Variants in OR1M1 observed in about 807,000 individuals in gnomAD.
OR1M1 encodes olfactory receptor family 1 subfamily M member 1.
For synonymous variants in OR1M1, 157 were observed against 165.5 expected (o/e 0.95, Z 0.39); for missense variants, 397 against 401.8 (o/e 0.99, Z 0.10).
rs765469301 is a variant in OR1M1, at chr19:9,093,344, A to G, written c.100A>G (p.Met34Val). The G allele has an allele frequency of 3.1e-6, 5 of 1,613,722 alleles. No homozygotes were observed. In the East Asian group the frequency reaches 6.7e-5, roughly 22 times the overall value. The change falls in exon 2 of 2, where the codon ATG (methionine) becomes GTG (valine). Residue 34 changes from methionine to valine, a missense_variant. Coordinates refer to ENST00000641627, the MANE Select transcript of OR1M1 (RefSeq NM_001004456.2). ...GCTTCTCTTTTCCCTGTTCTTCTGC[A>G]TGTACCTGGTCATGGTCGTGGGGAA... ...ETLLFSLFFC[M>V]YLVMVVGNLL... is the part of the protein sequence containing the mutation.
chr19:9,088,776 T>C (rs2050277669), intron 1 of OR1M1, among the ~76,000 whole-genome samples: 1 of 151,850 alleles, frequency 6.6e-6, no homozygotes, highest in African/African-American at 2.4e-5. Context: ...TAATCCCAGC[T>C]ACTCGGGAGG....
Position 9,094,069 on chromosome 19 carries a change from G to T in OR1M1, c.825G>T (p.Ala275=). Residue 275 remains alanine (A), a synonymous_variant, in exon 2 of 2, where the codon GCG becomes GCT. Coordinates refer to ENST00000641627, the MANE Select transcript of OR1M1 (RefSeq NM_001004456.2). Reference sequence around the variant, plus strand: ...CCACTGTGAAGGAGAAAGCTTCTGCGGTGATGTACACAGCAGTCACCCCCA... The same window carrying T: ...CCACTGTGAAGGAGAAAGCTTCTGCTGTGATGTACACAGCAGTCACCCCCA... ...VLTTVKEKAS[A]VMYTAVTPML... The T allele has an allele frequency of 6.2e-7, 1 of 1,613,344 alleles. No homozygotes were observed.
intron 1 of OR1M1, among the ~76,000 whole-genome samples, chr19:9,092,410 A>G (rs1029160583): frequency 4.6e-5 from 7 of 152,122 alleles, no homozygotes; most frequent in East Asian, 1.9e-4. Context: ...CCTGGACAAC[A>G]TAGCAAGATC....
At chr19:9,093,035 CTCTATA>C (rs1180001652) in intron 1 of OR1M1, 191 bp from the exon 2 acceptor site, 41 of 295,034 alleles carry the variant, frequency 1.4e-4, no homozygotes, top group South Asian at 7.5e-4. Flanking sequence ...CTCTCTCTCT[CTCTATA>C]TATATATATA....
intron 1 of OR1M1, among the ~76,000 whole-genome samples, chr19:9,092,514 G>A (rs1189245421): frequency 1.3e-5 from 2 of 152,038 alleles, no homozygotes; most frequent in African/African-American, 4.8e-5. Flanking sequence ...GTGGCAGGAG[G>A]CTGGCTTGAG....
Position 9,093,945 on chromosome 19 carries a change from G to A in OR1M1, c.701G>A (p.Arg234Lys), listed in dbSNP as rs758830302. The A allele has an allele frequency of 6.2e-7, 1 of 1,614,142 alleles. No individual in the cohort carries two copies. The highest frequency in any genetic ancestry group is 8.5e-7 in the Non-Finnish European group (1 of 1,180,026). ...ATGAAGGTCCCCTCTGCAGGCGGCA[G>A]GAAGAAAGCCTTCTCCACCTGCAGC... The part of the protein sequence containing the change: ...AIMKVPSAGG[R>K]KKAFSTCSSH... Residue 234 changes from arginine to lysine, a missense_variant, in exon 2 of 2, where the codon AGG becomes AAG. By Grantham distance (26) the Arg-to-Lys change is conservative (BLOSUM62 2). Transcript: ENST00000641627.
chr19:9,089,785 C>G (rs2050283408), intron 1 of OR1M1, among the ~76,000 whole-genome samples: 2 of 152,092 alleles, frequency 1.3e-5, no homozygotes, highest in African/African-American at 4.8e-5. Context: ...AGTGCTCTTA[C>G]AATCCTCAGG....
At position 9,094,261 on chromosome 19, in the gene OR1M1, T is replaced by C. The variant is rs1355820299; in HGVS notation, c.*75T>C. 5 of 804,442 alleles carry C rather than the reference T, an allele frequency of 6.2e-6. No individual in the cohort carries two copies. The highest frequency in any genetic ancestry group is 9.7e-6 in the Non-Finnish European group (5 of 512,830). 49.8% of individuals were successfully genotyped at this position (804,442 alleles called of 1,614,324 possible). On this transcript the variant is annotated 3_prime_UTR_variant, in exon 2 of 2. Transcript: ENST00000641627. ...TCTTGGGCTAACATCTGGAATTGCA[T>C]GAGTTGAAGAGTAGGCACTTTGAAT...
intron 1 of OR1M1, among the ~76,000 whole-genome samples, chr19:9,087,405 G>T (rs2145901795): frequency 6.6e-6 from 1 of 152,144 alleles, no homozygotes; most frequent in Non-Finnish European, 1.5e-5. Flanking sequence ...AGCCTCTAGA[G>T]TAGCTGGAAC....
intron 1 of OR1M1, among the ~76,000 whole-genome samples, chr19:9,089,252 A>AT (rs542965107): frequency 2.0e-5 from 3 of 151,338 alleles, no homozygotes; most frequent in Non-Finnish European, 2.9e-5. Flanking sequence ...CTATGAAATC[A>AT]TTTTTTTTCT....
At chr19:9,088,553 T>A (rs997387703) in intron 1 of OR1M1, among the ~76,000 whole-genome samples, 1 of 152,112 alleles carries the variant, frequency 6.6e-6, no homozygotes, top group Admixed American at 6.6e-5. Context: ...ATTAGTAGTT[T>A]AATCACAGAG....
chr19:9,088,233 G>A (rs915401283), intron 1 of OR1M1, among the ~76,000 whole-genome samples: 4 of 152,156 alleles, frequency 2.6e-5, no homozygotes, highest in Non-Finnish European at 5.9e-5. Flanking sequence ...TGAAGGAACA[G>A]ATGGCTTCCT....
chr19:9,090,469 C>G (rs2050286252), intron 1 of OR1M1, among the ~76,000 whole-genome samples: 2 of 152,010 alleles, frequency 1.3e-5, no homozygotes, highest in South Asian at 2.1e-4. Context: ...AGGATTGTTT[C>G]TTTTTTTTGA....
chr19:9,089,248 A>T (rs983174298), intron 1 of OR1M1, among the ~76,000 whole-genome samples: 1 of 151,956 alleles, frequency 6.6e-6, no homozygotes, highest in Non-Finnish European at 1.5e-5. Flanking sequence ...ACTTCTATGA[A>T]ATCATTTTTT....
chr19:9,088,549 AG>A (rs1453185820), intron 1 of OR1M1, among the ~76,000 whole-genome samples: 1 of 152,130 alleles, frequency 6.6e-6, no homozygotes, highest in Admixed American at 6.6e-5. Context: ...TTCCATTAGT[AG>A]TTTAATCACA....
chr19:9,088,106 GT>G (rs2050274092), intron 1 of OR1M1, among the ~76,000 whole-genome samples: 1 of 150,948 alleles, frequency 6.6e-6, no homozygotes, highest in African/African-American at 2.4e-5. Context: ...GGCCACGCTG[GT>G]CTCCAACTCT....
intron 1 of OR1M1, among the ~76,000 whole-genome samples, chr19:9,091,413 A>T (rs563656798): frequency 1.9e-4 from 29 of 152,196 alleles, no homozygotes; most frequent in African/African-American, 6.7e-4. Flanking sequence ...GCTAAGAATA[A>T]AGCTGTTGGA....
In OR1M1 at chr19:9,093,689, T is replaced by G; in HGVS notation, c.445T>G (p.Trp149Gly). The G allele has an allele frequency of 6.2e-7, 1 of 1,614,158 alleles. No individual in the cohort carries two copies. ...CTGTCGCCTGCTGGTCGGCGCCCTCTGGGCGTTTTCCTGCTTCATCTCACT... is the reference window on the plus strand; with the variant it reads ...CTGTCGCCTGCTGGTCGGCGCCCTCGGGGCGTTTTCCTGCTTCATCTCACT... ...RLCRLLVGAL[W>G]AFSCFISLTH... Residue 149 changes from tryptophan (W) to glycine (G), a missense_variant, in exon 2 of 2, where the codon TGG becomes GGG. Trp to Gly is a radical substitution (Grantham distance 184). Coordinates refer to ENST00000641627, the MANE Select transcript of OR1M1 (RefSeq NM_001004456.2).
chr19:9,089,128 C>T (rs2050279457), intron 1 of OR1M1, among the ~76,000 whole-genome samples: 1 of 152,170 alleles, frequency 6.6e-6, no homozygotes, highest in Non-Finnish European at 1.5e-5. Context: ...ATATAGAACA[C>T]TAGAACTTAT....
Sources: allele counts gnomAD v4.1 joint callset (sites outside exome capture counted in the v4.1 genomes callset), GRCh38; gene constraint gnomAD v4.1.1; transcripts MANE v1.5; gene names NCBI Gene and HGNC (gene_info 2026-07-23, HGNC 2026-07-21).